OSBPL1A: variants seen among roughly 807,000 people sequenced by gnomAD.
The protein encoded by OSBPL1A is oxysterol-binding protein-related protein 1.
A neutral mutation model predicts 137.1 loss-of-function variants in OSBPL1A; 80 were observed. The observed-to-expected ratio is 0.58, with a 90% CI of 0.49 to 0.70. The LOEUF (loss-of-function observed/expected upper bound fraction) is 0.70. OSBPL1A is among the 30% of genes least tolerant of loss of function. OSBPL1A has a pLI of 0.00. For synonymous variants in OSBPL1A, 365 were observed against 389.7 expected (o/e 0.94, Z 0.75); for missense variants, 970 against 1,129.4 (o/e 0.86, Z 2.02).
intron 7 of OSBPL1A, among the ~76,000 whole-genome samples, chr18:24,324,749 A>T (rs1157490049): frequency 6.8e-6 from 1 of 146,812 alleles, no homozygotes; most frequent in Non-Finnish European, 1.5e-5. Flanking sequence ...ACACCACTGC[A>T]CTCCATCCTG....
chr18:24,207,445 A>G (rs948053443), intron 17 of OSBPL1A, among the ~76,000 whole-genome samples: 2 of 152,234 alleles, frequency 1.3e-5, no homozygotes, highest in African/African-American at 4.8e-5. Flanking sequence ...TTTCACTTGC[A>G]CTTAACAAAT....
intron 15 of OSBPL1A, among the ~76,000 whole-genome samples, chr18:24,257,229 C>T (rs2089307101): frequency 6.6e-6 from 1 of 152,032 alleles, no homozygotes; most frequent in South Asian, 2.1e-4. Context: ...CTTCAAATTA[C>T]AGTACAGAGC....
intron 17 of OSBPL1A, among the ~76,000 whole-genome samples, chr18:24,223,554 C>T (rs1037104835): frequency 1.3e-5 from 2 of 152,090 alleles, no homozygotes; most frequent in Non-Finnish European, 2.9e-5. Flanking sequence ...CCTGTCCTGA[C>T]TGCATTTGTT....
At chr18:24,255,308 T>G (rs1437774905) in intron 15 of OSBPL1A, among the ~76,000 whole-genome samples, 1 of 152,200 alleles carries the variant, frequency 6.6e-6, no homozygotes, top group African/African-American at 2.4e-5. Flanking sequence ...ACTCAAACTA[T>G]TCTACAAAAT....
intron 17 of OSBPL1A, among the ~76,000 whole-genome samples, chr18:24,223,319 A>G (rs1176440337): frequency 1.3e-5 from 2 of 152,134 alleles, no homozygotes; most frequent in Admixed American, 6.5e-5. Flanking sequence ...AACTTTATGA[A>G]AAAAGGGTTT....
Position 24,397,685 on chromosome 18 carries a change from C to G in OSBPL1A, c.-33G>C, listed in dbSNP as rs1420649762. The G allele has an allele frequency of 6.6e-6, 1 of 152,288 alleles. No homozygotes were observed. The highest frequency in any genetic ancestry group is 1.5e-5 in the Non-Finnish European group (1 of 68,116). 9.4% of individuals were successfully genotyped at this position (152,288 alleles called of 1,614,324 possible). On this transcript the variant is annotated 5_prime_UTR_variant, in exon 1 of 28. Transcript: ENST00000319481. ...CGGTCACCCGGGCTCCCAGAGCTCC[C>G]GAGGCGGTGGCCACGACCCCAGGCT...
intron 21 of OSBPL1A, among the ~76,000 whole-genome samples, chr18:24,177,081 C>T (rs141384677): frequency 6.6e-6 from 1 of 152,288 alleles, no homozygotes; most frequent in Non-Finnish European, 1.5e-5. Flanking sequence ...TTCTCTCACA[C>T]TCTTTGAACC....
rs56057347 is a variant in OSBPL1A at position 24,224,389 on chromosome 18, T to C, written c.1601+653A>G. On this transcript the variant is annotated intron_variant, in intron 17 of 27. Coordinates refer to ENST00000319481, the MANE Select transcript of OSBPL1A (RefSeq NM_080597.4). ...AATACATCCTTCACTGATCATTTTA[T>C]AAAATATTTTACTATATGAACACTA... Among the ~76,000 whole-genome samples, 360 of 152,342 alleles carry C rather than the reference T, an allele frequency of 2.4e-3. 2 individuals carry two copies. The highest frequency in any genetic ancestry group is 8.2e-3 in the African/African-American group (342 of 41,580).
chr18:24,230,412 T>A (rs906958381), intron 16 of OSBPL1A, among the ~76,000 whole-genome samples: 1 of 152,194 alleles, frequency 6.6e-6, no homozygotes, highest in Non-Finnish European at 1.5e-5. Context: ...GGAAAGTTTA[T>A]GTTATGTATA....
At chr18:24,212,910 T>C (rs1362054006) in intron 17 of OSBPL1A, among the ~76,000 whole-genome samples, 2 of 152,206 alleles carry the variant, frequency 1.3e-5, no homozygotes, top group African/African-American at 2.4e-5. Flanking sequence ...TTTAGGCTGG[T>C]CTTAAAGAAG....
rs372216911 is a variant in OSBPL1A at position 24,342,377 on chromosome 18, G to A, written c.283-719C>T. On this transcript the variant is annotated intron_variant, in intron 4 of 27. Transcript: ENST00000319481. ...GGAGGAACAGAATTTCTGATATTGC[G>A]GACAGTATTAGAAATTTGATGTTTG... Among the ~76,000 whole-genome samples the A allele has an allele frequency of 2.0e-4, 30 of 152,194 alleles. No homozygotes were observed. The East Asian group carries it at 5.2e-3, about 26-fold the overall frequency.
rs779593602 is a variant in OSBPL1A, at chr18:24,219,779, TCA to T, written c.1601+5261_1601+5262del. Among the ~76,000 whole-genome samples the T allele has an allele frequency of 2.4e-4, 36 of 152,296 alleles. No homozygotes were observed. In the East Asian group the frequency reaches 5.0e-3, roughly 21 times the overall value. ...GGTCAATGGCCTGAGGAAAGATGCC[TCA>T]CAGTTTTCCCAGAGTAATTCCTGGC... On this transcript the variant is annotated intron_variant, in intron 17 of 27. Transcript: ENST00000319481.
At chr18:24,380,952 CA>C (rs60495683) in intron 1 of OSBPL1A, among the ~76,000 whole-genome samples, 3,981 of 123,140 alleles carry the variant, frequency 0.032, 121 homozygotes, top group African/African-American at 0.087. Flanking sequence ...AATTCCATCT[CA>C]AAAAAAAAAA....
chr18:24,228,734 G>A (rs920405106), intron 16 of OSBPL1A, among the ~76,000 whole-genome samples: 2 of 152,172 alleles, frequency 1.3e-5, no homozygotes, highest in African/African-American at 2.4e-5. Flanking sequence ...CGCTGACAAG[G>A]AGTAAGAGTG....
chr18:24,233,510 GA>G (rs1164357522), intron 16 of OSBPL1A, among the ~76,000 whole-genome samples: 2 of 152,182 alleles, frequency 1.3e-5, no homozygotes, highest in Non-Finnish European at 2.9e-5. Flanking sequence ...AGGGAGGACA[GA>G]AACATCAATG....
intron 4 of OSBPL1A, chr18:24,366,483 G>C (rs1185710616): frequency 6.5e-6 from 1 of 153,466 alleles, no homozygotes; most frequent in African/African-American, 2.4e-5. Context: ...AAGCCACCTA[G>C]GGGTTGCCAG....
At chr18:24,283,199 A>G (rs1320161055) in intron 14 of OSBPL1A, among the ~76,000 whole-genome samples, 2 of 143,326 alleles carry the variant, frequency 1.4e-5, no homozygotes, top group Non-Finnish European at 3.0e-5. Flanking sequence ...TGGGACGTGG[A>G]GGTTGCAGTA....
intron 15 of OSBPL1A, among the ~76,000 whole-genome samples, chr18:24,268,744 C>T (rs531139110): frequency 6.6e-6 from 1 of 152,248 alleles, no homozygotes; most frequent in Non-Finnish European, 1.5e-5. Flanking sequence ...TTTTAAGCAT[C>T]AGTATTCAAT....
At chr18:24,170,637 T>C (rs543321208) in intron 23 of OSBPL1A, 184 bp from the exon 24 acceptor site, 14 of 601,686 alleles carry the variant, frequency 2.3e-5, no homozygotes, top group African/African-American at 3.7e-5. Context: ...TTTGCTGCAA[T>C]TGAATATTAC....
Sources: allele counts gnomAD v4.1 joint callset (sites outside exome capture counted in the v4.1 genomes callset), GRCh38; gene constraint gnomAD v4.1.1; transcripts MANE v1.5; gene names NCBI Gene and HGNC (gene_info 2026-07-23, HGNC 2026-07-21).